Variants in PPP2R3A observed in about 807,000 individuals in gnomAD.
The protein encoded by PPP2R3A is serine/threonine-protein phosphatase 2A regulatory subunit B'' subunit alpha.
PPP2R3A carries 80 observed loss-of-function variants against 106.9 expected under a neutral mutation model. That is an observed-to-expected ratio of 0.75 (90% CI 0.62 to 0.90). PPP2R3A has a LOEUF of 0.90. Ranked by LOEUF, PPP2R3A falls within the 40% of genes least tolerant of loss-of-function variation. The probability of loss-of-function intolerance (pLI) is 0.00; values close to 1 mark genes in which losing one functional copy is unlikely to be tolerated. For missense variants in PPP2R3A, 1,386 were observed against 1,350.4 expected (o/e 1.03, Z -0.41); for synonymous variants, 483 against 468.3 (o/e 1.03, Z -0.41).
intron 12 of PPP2R3A, among the ~76,000 whole-genome samples, chr3:136,105,672 T>G (rs950900278): frequency 6.6e-6 from 1 of 151,020 alleles, no homozygotes. Flanking sequence ...AAAAAAAGAG[T>G]TGGAATCAGC....
At position 136,003,230 on chromosome 3, in the gene PPP2R3A, A is replaced by G; in HGVS notation, c.1732A>G (p.Thr578Ala). 6.2e-7 allele frequency: 1 copy of G among 1,613,968 alleles called. No individual in the cohort carries two copies. The highest frequency in any genetic ancestry group is 8.5e-7 in the Non-Finnish European group (1 of 1,179,912). Residue 578 changes from threonine (T) to alanine (A), a missense_variant, in exon 2 of 14, where the codon ACC becomes GCC. Transcript: ENST00000264977. ...TTCCTGTCTAACAAGGATTATTGAA[A>G]CCAATGGACACAAAATAGAGGAAGA... ...SPSCLTRIIE[T>A]NGHKIEEEDR...
chr3:135,977,685 A>ATT (rs1474837710), intron 1 of PPP2R3A, among the ~76,000 whole-genome samples: 4 of 102,646 alleles, frequency 3.9e-5, no homozygotes, highest in Non-Finnish European at 6.5e-5. Context: ...TCTGATCAGC[A>ATT]TTCTTTTTTT....
chr3:136,110,731 T>A (rs1937580405), intron 13 of PPP2R3A, among the ~76,000 whole-genome samples: 1 of 152,226 alleles, frequency 6.6e-6, no homozygotes, highest in Admixed American at 6.5e-5. Flanking sequence ...TATTTTCATG[T>A]CACAAATATT....
intron 13 of PPP2R3A, among the ~76,000 whole-genome samples, chr3:136,129,816 A>G (rs1225855323): frequency 1.3e-5 from 2 of 152,188 alleles, no homozygotes; most frequent in Admixed American, 6.5e-5. Context: ...CTTATCCACT[A>G]TGATCAAGTC....
At chr3:136,012,746 T>A (rs2107803676) in intron 2 of PPP2R3A, among the ~76,000 whole-genome samples, 1 of 152,328 alleles carries the variant, frequency 6.6e-6, no homozygotes, top group African/African-American at 2.4e-5. Flanking sequence ...ACAGGGATAT[T>A]TTAAAGAAAG....
intron 3 of PPP2R3A, among the ~76,000 whole-genome samples, chr3:136,030,158 C>A (rs1289775139): frequency 6.6e-6 from 1 of 151,902 alleles, no homozygotes; most frequent in Non-Finnish European, 1.5e-5. Flanking sequence ...GTTGAGGCTA[C>A]AGTGAGCCAT....
chr3:136,124,696 ATAAT>A (rs764005081), intron 13 of PPP2R3A, among the ~76,000 whole-genome samples: 4 of 152,022 alleles, frequency 2.6e-5, no homozygotes, highest in South Asian at 4.1e-4. Flanking sequence ...ATATAAAATT[ATAAT>A]TAATTAAACC....
At chr3:136,104,512 G>C (rs1212017550) in intron 12 of PPP2R3A, among the ~76,000 whole-genome samples, 1 of 152,190 alleles carries the variant, frequency 6.6e-6, no homozygotes, top group Non-Finnish European at 1.5e-5. Flanking sequence ...CTCCATATTG[G>C]TCAGGCTGGT....
intron 4 of PPP2R3A, among the ~76,000 whole-genome samples, chr3:136,043,523 C>T (rs1935368431): frequency 6.6e-6 from 1 of 152,152 alleles, no homozygotes; most frequent in Non-Finnish European, 1.5e-5. Context: ...GTGGAGGCCT[C>T]AGTATCTCTC....
At chr3:136,087,295 C>CTCTCTCTCTCTCTCTCTA (rs1936974628) in intron 8 of PPP2R3A, among the ~76,000 whole-genome samples, 1 of 148,790 alleles carries the variant, frequency 6.7e-6, no homozygotes, top group Non-Finnish European at 1.5e-5. Flanking sequence ...CTCTCTCTCT[C>CTCTCTCTCTCTCTCTCTA]TCTCACCAAC....
chr3:136,041,260 TTG>T lies in PPP2R3A; in HGVS notation c.2366+300_2366+301del, dbSNP rs1325368056. ...CTTGTTTTTTTTTTTGTTTTTTTTT[TTG>T]TTTTTTTTTTTTTGAGACAGAATGT... On this transcript the variant is annotated intron_variant, in intron 4 of 13. Coordinates refer to ENST00000264977, the MANE Select transcript of PPP2R3A (RefSeq NM_002718.5). Among the ~76,000 whole-genome samples the T allele has an allele frequency of 1.6e-4, 20 of 123,416 alleles. 1 individual carries two copies. Among genetic ancestry groups the T allele is most frequent in the African/African-American group, 3.2e-4 (10 of 30,934 alleles). The allele number at this position is 123,416 out of a possible 152,430, so 81.0% of individuals were successfully genotyped here.
At chr3:136,062,163 A>C (rs1936099635) in intron 5 of PPP2R3A, among the ~76,000 whole-genome samples, 1 of 152,162 alleles carries the variant, frequency 6.6e-6, no homozygotes, top group African/African-American at 2.4e-5. Context: ...TGGACTGAGA[A>C]AGTTTATCTC....
intron 5 of PPP2R3A, among the ~76,000 whole-genome samples, chr3:136,065,708 G>A (rs530608935): frequency 8.8e-4 from 134 of 152,232 alleles, no homozygotes; most frequent in Middle Eastern, 6.8e-3. Flanking sequence ...GGAGGATCTC[G>A]CTCTGTTTCC....
intron 1 of PPP2R3A, among the ~76,000 whole-genome samples, 152 bp from the exon 2 acceptor site, chr3:136,000,907 T>C (rs2107786988): frequency 6.6e-6 from 1 of 152,198 alleles, no homozygotes; most frequent in Non-Finnish European, 1.5e-5. Flanking sequence ...GTATAAGGTG[T>C]GATGAAACAA....
intron 11 of PPP2R3A, 36 bp from the exon 12 acceptor site, chr3:136,103,222 T>C: frequency 7.0e-7 from 1 of 1,432,018 alleles, no homozygotes; most frequent in Non-Finnish European, 9.7e-7. Context: ...AAACAGCTCT[T>C]GATGAAATTT....
At chr3:136,130,184 AG>A (rs1406208386) in intron 13 of PPP2R3A, among the ~76,000 whole-genome samples, 1 of 152,170 alleles carries the variant, frequency 6.6e-6, no homozygotes, top group Non-Finnish European at 1.5e-5. Flanking sequence ...GGCAAGAGAA[AG>A]AAATAAAGGG....
chr3:136,029,656 A>T (rs576144157), intron 3 of PPP2R3A, among the ~76,000 whole-genome samples: 5 of 152,372 alleles, frequency 3.3e-5, no homozygotes, highest in African/African-American at 1.2e-4. Flanking sequence ...TTAAAAAGAT[A>T]GAAAACTAAT....
At position 136,106,206 on chromosome 3, in the gene PPP2R3A, T is replaced by C. The variant is rs762904183; in HGVS notation, c.3223-10T>C. 37 of 1,585,546 alleles carry C rather than the reference T, an allele frequency of 2.3e-5. No individual in the cohort carries two copies. Among genetic ancestry groups the C allele is most frequent in the Non-Finnish European group, 3.2e-5 (37 of 1,159,914 alleles). On this transcript the variant is annotated splice_polypyrimidine_tract_variant and intron_variant, in intron 12 of 13. Coordinates refer to ENST00000264977, the MANE Select transcript of PPP2R3A (RefSeq NM_002718.5). ...TTTTTATTTCTCGTGGCTGTCTTCT[T>C]TCCAATCAGGATGTTGAGAACGATG...
At chr3:135,992,090 T>C (rs1933189903) in intron 1 of PPP2R3A, among the ~76,000 whole-genome samples, 1 of 152,288 alleles carries the variant, frequency 6.6e-6, no homozygotes, top group East Asian at 1.9e-4. Flanking sequence ...ATTTTTGAAG[T>C]GGACATGACA....
Sources: allele counts gnomAD v4.1 joint callset (sites outside exome capture counted in the v4.1 genomes callset), GRCh38; gene constraint gnomAD v4.1.1; transcripts MANE v1.5; gene names NCBI Gene and HGNC (gene_info 2026-07-23, HGNC 2026-07-21).